The following NUDT2 variants were observed in gnomAD, a reference collection of about 807,000 sequenced individuals.
NUDT2 encodes the protein nudix hydrolase 2.
Under a neutral mutation model 14.2 loss-of-function variants are expected in NUDT2, and 12 were observed. That is an observed-to-expected ratio of 0.84 (90% CI 0.54 to 1.37). NUDT2 has a LOEUF of 1.37. Ranked by LOEUF, NUDT2 falls within the 40% of genes most tolerant of loss-of-function variation. NUDT2 has a pLI of 0.00. For synonymous variants in NUDT2, 67 were observed against 67.4 expected, an observed-to-expected ratio of 0.99 and a Z score of 0.03; for missense variants, 167 against 176.7, an observed-to-expected ratio of 0.95 and a Z score of 0.31.
At position 34,336,341 on chromosome 9, in the gene NUDT2, G is replaced by A. The variant is rs750945738; in HGVS notation, c.-152G>A. ...TGCTTCCTTTTGGCTTCTGGAATGG[G>A]GTAAGTTCTTGACATAAATAGGGAG... On this transcript the variant is annotated splice_region_variant and 5_prime_UTR_variant, in exon 2 of 5. In the 5' UTR this introduces an upstream ATG that the reference lacks. Transcript: ENST00000379158. 3 of 151,942 alleles carry A rather than the reference G, an allele frequency of 2.0e-5. No individual in the cohort carries two copies. The highest frequency in any genetic ancestry group is 4.4e-5 in the Non-Finnish European group (3 of 68,002). The allele number at this position is 151,942 out of a possible 1,614,324, so 9.4% of individuals were successfully genotyped here. A position where few individuals can be genotyped will look rare whatever the true frequency, so the allele number is the denominator to read the frequency against.
intron 1 of NUDT2, among the ~76,000 whole-genome samples, chr9:34,334,225 G>A (rs1055357337): frequency 6.6e-5 from 10 of 152,090 alleles, no homozygotes; most frequent in African/African-American, 2.4e-4. Flanking sequence ...GAACCTCCTA[G>A]GCTCTGAGGG....
intron 1 of NUDT2, among the ~76,000 whole-genome samples, chr9:34,334,455 G>C (rs555621408): frequency 6.6e-6 from 1 of 152,124 alleles, no homozygotes; most frequent in African/African-American, 2.4e-5. Flanking sequence ...AACCCCCTGA[G>C]GTTTGAATCC....
In NUDT2 at chr9:34,343,227, A is replaced by C; in HGVS notation, c.231A>C (p.Lys77Asn). ...AGCTGACCATTATTGAGGGGTTCAAAAGGGAACTCAATTATGTGGCCAGGA... is the reference window on the plus strand; with the variant it reads ...AGCTGACCATTATTGAGGGGTTCAACAGGGAACTCAATTATGTGGCCAGGA... ...AGQLTIIEGF[K>N]RELNYVARNK... is the part of the protein sequence containing the mutation. Residue 77 changes from lysine (K) to asparagine (N), a missense_variant, in exon 5 of 5, where the codon AAA becomes AAC. By Grantham distance (94) the Lys-to-Asn change is moderately conservative. Coordinates refer to ENST00000379158, the MANE Select transcript of NUDT2 (RefSeq NM_001161.5). The C allele has an allele frequency of 6.2e-7, 1 of 1,614,084 alleles. No homozygotes were observed. Among genetic ancestry groups the C allele is most frequent in the Non-Finnish European group, 8.5e-7 (1 of 1,180,030 alleles).
At chr9:34,332,085 G>A (rs1037647218) in intron 1 of NUDT2, among the ~76,000 whole-genome samples, 7 of 152,064 alleles carry the variant, frequency 4.6e-5, no homozygotes, top group Non-Finnish European at 1.0e-4. Flanking sequence ...GTCCTAATTC[G>A]TTCCCCAGCT....
chr9:34,331,255 A>G (rs970159840), intron 1 of NUDT2, among the ~76,000 whole-genome samples: 3 of 152,246 alleles, frequency 2.0e-5, no homozygotes, highest in South Asian at 4.1e-4. Context: ...TCTTTAAAAC[A>G]GAGAAGCTTT....
At chr9:34,333,309 C>A (rs1051201006) in intron 1 of NUDT2, among the ~76,000 whole-genome samples, 1 of 152,014 alleles carries the variant, frequency 6.6e-6, no homozygotes, top group African/African-American at 2.4e-5. Context: ...ACATCTTAAC[C>A]TCCAAAGGAA....
At chr9:34,331,034 T>C (rs903585826) in intron 1 of NUDT2, among the ~76,000 whole-genome samples, 6 of 152,224 alleles carry the variant, frequency 3.9e-5, no homozygotes, top group African/African-American at 1.2e-4. Flanking sequence ...GGTGTACTTT[T>C]TGTAACTGAG....
intron 4 of NUDT2, among the ~76,000 whole-genome samples, chr9:34,342,002 G>A (rs1011487419): frequency 6.6e-6 from 1 of 152,202 alleles, no homozygotes; most frequent in African/African-American, 2.4e-5. Context: ...CCCAGTCTTT[G>A]CCCCCTCTGG....
chr9:34,332,290 GGTAAACTA>G (rs1387004930), intron 1 of NUDT2, among the ~76,000 whole-genome samples: 2 of 152,108 alleles, frequency 1.3e-5, no homozygotes, highest in Non-Finnish European at 2.9e-5. Context: ...CCTTCTGCCT[GGTAAACTA>G]GTGACCCATC....
rs145434807 is a variant in NUDT2 at position 34,334,805 on chromosome 9, T to C, written c.-264-1424T>C. Among the ~76,000 whole-genome samples, 30 of 152,348 alleles carry C rather than the reference T, an allele frequency of 2.0e-4. No individual in the cohort carries two copies. The East Asian group carries it at 5.6e-3, about 28-fold the overall frequency. ...GGTATATGTGCTTGTGGTGGCATTG[T>C]ACTGTGTCAGTTTAGCTAAGCTGGA... On this transcript the variant is annotated intron_variant, in intron 1 of 4. Coordinates refer to ENST00000379158, the MANE Select transcript of NUDT2 (RefSeq NM_001161.5).
intron 1 of NUDT2, among the ~76,000 whole-genome samples, chr9:34,335,284 C>T (rs911259350): frequency 2.6e-5 from 4 of 152,228 alleles, no homozygotes; most frequent in African/African-American, 4.8e-5. Context: ...TCTCTTCCAC[C>T]TCACATCCAG....
intron 4 of NUDT2, among the ~76,000 whole-genome samples, chr9:34,340,745 G>A (rs1820164689): frequency 6.6e-6 from 1 of 152,242 alleles, no homozygotes; most frequent in African/African-American, 2.4e-5. Flanking sequence ...GATGGTTTGA[G>A]TTGGGAGGGA....
intron 2 of NUDT2, among the ~76,000 whole-genome samples, chr9:34,338,327 TAAAAA>T (rs61594121): frequency 7.4e-4 from 25 of 33,738 alleles, no homozygotes; most frequent in South Asian, 2.6e-3. Context: ...ACCCTGTCTC[TAAAAA>T]AAAAAAAAAA....
intron 4 of NUDT2, among the ~76,000 whole-genome samples, chr9:34,340,547 T>C (rs1333230449): frequency 1.3e-5 from 2 of 152,216 alleles, no homozygotes; most frequent in African/African-American, 4.8e-5. Context: ...GGAAGAACAG[T>C]GAAGACTACT....
At chr9:34,338,031 A>G (rs1838134722) in intron 2 of NUDT2, among the ~76,000 whole-genome samples, 1 of 151,286 alleles carries the variant, frequency 6.6e-6, no homozygotes, top group Non-Finnish European at 1.5e-5. Context: ...TTTAGTAGAG[A>G]CAGGGTTTCA....
At chr9:34,343,097 C>G (rs1563975339) in intron 4 of NUDT2, 27 bp from the exon 5 acceptor site, 1 of 1,558,068 alleles carries the variant, frequency 6.4e-7, no homozygotes, top group East Asian at 2.3e-5. Flanking sequence ...TTTCCTCCTC[C>G]TTTTCTTCCT....
chr9:34,340,193 C>T (rs1269569630), intron 4 of NUDT2, among the ~76,000 whole-genome samples: 1 of 152,184 alleles, frequency 6.6e-6, no homozygotes, highest in African/African-American at 2.4e-5. Flanking sequence ...GTCTGAGCCT[C>T]CCAAAGTGCT....
At chr9:34,330,830 G>A (rs975936035) in intron 1 of NUDT2, among the ~76,000 whole-genome samples, 1 of 151,960 alleles carries the variant, frequency 6.6e-6, no homozygotes, top group Non-Finnish European at 1.5e-5. Context: ...GCGTGGTGGC[G>A]GGCGCCTGTG....
intron 4 of NUDT2, 76 bp from the exon 5 acceptor site, chr9:34,343,048 A>AT: frequency 1.4e-6 from 2 of 1,396,876 alleles, no homozygotes; most frequent in Non-Finnish European, 2.0e-6. Context: ...AAAAAAAAAA[A>AT]TCTTGTCTGG....
Sources: gnomAD v4.1 joint callset for allele counts (sites outside exome capture counted in the v4.1 genomes callset) on GRCh38, gnomAD v4.1.1 for gene constraint, MANE v1.5 for transcripts, NCBI Gene and HGNC (gene_info 2026-07-23, HGNC 2026-07-21) for gene names.